Variants in UTP20 observed in about 807,000 individuals in gnomAD.
UTP20 encodes UTP20 small subunit processome component.
Under a neutral mutation model 329.5 loss-of-function variants are expected in UTP20, and 164 were observed. The observed-to-expected ratio is 0.50, with a 90% CI of 0.44 to 0.57. The LOEUF (loss-of-function observed/expected upper bound fraction) is 0.57. UTP20 is among the 20% of genes least tolerant of loss of function. The pLI, the probability that UTP20 is intolerant of heterozygous loss-of-function variation, is 0.00. For missense variants in UTP20, 3,055 were observed against 3,284.2 expected, an observed-to-expected ratio of 0.93 and a Z score of 1.71; for synonymous variants, 1,151 against 1,159.3, an observed-to-expected ratio of 0.99 and a Z score of 0.14.
chr12:101,366,103 G>A (rs994666822), intron 46 of UTP20, among the ~76,000 whole-genome samples: 2 of 152,088 alleles, frequency 1.3e-5, no homozygotes, highest in East Asian at 1.9e-4. Flanking sequence ...ATGGTGCTGG[G>A]CACCTGTAAT....
At chr12:101,320,127 G>C (rs1408946914) in intron 23 of UTP20, among the ~76,000 whole-genome samples, 1 of 152,082 alleles carries the variant, frequency 6.6e-6, no homozygotes, top group Non-Finnish European at 1.5e-5. Context: ...AAGCCATCTG[G>C]GGAAACAAAA....
chr12:101,322,580 G>T (rs1868400381), intron 25 of UTP20, among the ~76,000 whole-genome samples: 1 of 152,158 alleles, frequency 6.6e-6, no homozygotes, highest in Non-Finnish European at 1.5e-5. Context: ...ATGGGATTGG[G>T]ATTTAACAGG....
At chr12:101,381,232 A>T in intron 58 of UTP20, 21 bp downstream of exon 58, 2 of 1,603,694 alleles carry the variant, frequency 1.2e-6, no homozygotes, top group Non-Finnish European at 1.7e-6. Flanking sequence ...TAGTTCTCCC[A>T]GTTTAAAAGA....
intron 38 of UTP20, 88 bp from the exon 39 acceptor site, chr12:101,351,967 C>T: frequency 5.4e-6 from 8 of 1,484,454 alleles, no homozygotes; most frequent in South Asian, 1.2e-5. Flanking sequence ...TTACTGAGAA[C>T]TTACTAACTT....
chr12:101,327,746 C>T (rs769576672), intron 26 of UTP20, among the ~76,000 whole-genome samples: 30 of 152,132 alleles, frequency 2.0e-4, no homozygotes, highest in South Asian at 4.1e-4. Context: ...TGGATGTAAT[C>T]GTGTATACAT....
rs1478221812 is a variant in UTP20, at chr12:101,327,211, G to C, written c.3172G>C (p.Asp1058His). The C allele has an allele frequency of 6.2e-7, 1 of 1,606,864 alleles. No individual in the cohort carries two copies. Among genetic ancestry groups the C allele is most frequent in the Non-Finnish European group, 8.5e-7 (1 of 1,174,158 alleles). ...ACCTGAGGAGATCCAGATATTCTTA[G>C]ACCTGCTGTTTGAACCTGTGAGGCA... ...TQPEEIQIFL[D>H]LLFEPVRHFK... The change falls in exon 26 of 62, where the codon GAC (aspartate) becomes CAC (histidine). Residue 1058 changes from aspartate (D) to histidine (H), a missense_variant. Around this residue, in one of 3 missense-constraint regions of UTP20, gnomAD observed 2,445 missense variants for 2,575.5 expected, o/e 0.95. Coordinates refer to ENST00000261637, the MANE Select transcript of UTP20 (RefSeq NM_014503.3).
intron 17 of UTP20, 88 bp downstream of exon 17, chr12:101,306,849 T>G: frequency 7.7e-7 from 1 of 1,292,970 alleles, no homozygotes; most frequent in South Asian, 1.4e-5. Flanking sequence ...TTGCAGAAAA[T>G]TAACACACTA....
In UTP20 at chr12:101,370,577, A is replaced by G; in HGVS notation, c.6687+14A>G. ...GGTCTTCTGAAGGTATGCTGTCGCC[A>G]GAATGTTGACTGTTACGGTTTATGA... On this transcript the variant is annotated intron_variant, in intron 50 of 61. Transcript: ENST00000261637. 6.2e-7 allele frequency: 1 copy of G among 1,609,052 alleles called. No individual in the cohort carries two copies. Among genetic ancestry groups the G allele is most frequent in the African/African-American group, 1.3e-5 (1 of 74,894 alleles).
In UTP20 at chr12:101,290,756, G is replaced by C. The variant is rs769938158; in HGVS notation, c.759G>C (p.Lys253Asn). The C allele has an allele frequency of 7.4e-6, 12 of 1,611,936 alleles. No homozygotes were observed. Among genetic ancestry groups the C allele is most frequent in the Middle Eastern group, 1.7e-4 (1 of 6,058 alleles). Residue 253 changes from lysine to asparagine, a missense_variant, in exon 8 of 62, where the codon AAG becomes AAC. Lys to Asn is a moderately conservative substitution (Grantham distance 94). Around this residue, in one of 3 missense-constraint regions of UTP20, gnomAD observed 2,445 missense variants for 2,575.5 expected, o/e 0.95. Transcript: ENST00000261637. Reference protein sequence around the residue: ...TGQAVKLILRKLGPVTETETQ... With the variant: ...TGQAVKLILRNLGPVTETETQ... ...AGGCAGTGAAGCTAATTTTGCGAAA[G>C]CTAGGACCAGTCACTGAAACAGAAA...
chr12:101,373,773 C>G lies in UTP20; in HGVS notation c.7131+6C>G, dbSNP rs757576059. The G allele has an allele frequency of 8.7e-6, 14 of 1,607,130 alleles. No homozygotes were observed. The highest frequency in any genetic ancestry group is 1.1e-5 in the Non-Finnish European group (13 of 1,178,570). ...CTTGGTTTGGAGCAAAAAAGGTGTG[C>G]GTTGCTTTTAGTCACAGTTCAGTGA... On this transcript the variant is annotated splice_donor_region_variant and intron_variant, in intron 54 of 61. Transcript: ENST00000261637.
intron 29 of UTP20, among the ~76,000 whole-genome samples, chr12:101,336,789 T>C (rs1451086340): frequency 3.3e-5 from 5 of 152,218 alleles, no homozygotes; most frequent in Non-Finnish European, 7.3e-5. Context: ...CTGATGATCA[T>C]TGCATGTTGT....
chr12:101,323,903 C>T (rs915027092), intron 25 of UTP20, among the ~76,000 whole-genome samples: 5 of 152,066 alleles, frequency 3.3e-5, no homozygotes, highest in African/African-American at 4.8e-5. Flanking sequence ...CTTTGGGAGG[C>T]GGAGGTGGAT....
chr12:101,285,655 C>G lies in UTP20; in HGVS notation c.193+19C>G. 6.2e-7 allele frequency: 1 copy of G among 1,613,714 alleles called. No homozygotes were observed. Among genetic ancestry groups the G allele is most frequent in the Non-Finnish European group, 8.5e-7 (1 of 1,179,790 alleles). On this transcript the variant is annotated intron_variant, in intron 3 of 61. Coordinates refer to ENST00000261637, the MANE Select transcript of UTP20 (RefSeq NM_014503.3). ...CACTTCGGTATTTTCTATTTCGTTT[C>G]TATTTTATTCACCCATAGTTTGCAC... is the stretch of plus-strand genomic sequence containing the variant.
At chr12:101,351,903 C>T in intron 38 of UTP20, 152 bp from the exon 39 acceptor site, 1 of 849,998 alleles carries the variant, frequency 1.2e-6, no homozygotes, top group Non-Finnish European at 1.8e-6. Context: ...GCATGTTTTC[C>T]TGGGGTTAGA....
At position 101,355,048 on chromosome 12, in the gene UTP20, C is replaced by G; in HGVS notation, c.5324C>G (p.Thr1775Arg). The G allele has an allele frequency of 6.2e-7, 1 of 1,614,098 alleles. No individual in the cohort carries two copies. ...CAAAACAAGGAAGAAATAGAGAGAACAATTAAAAATATCCAAGGAACCATA... is the reference window on the plus strand; with the variant it reads ...CAAAACAAGGAAGAAATAGAGAGAAGAATTAAAAATATCCAAGGAACCATA... Reference protein sequence around the residue: ...LPQNKEEIERTIKNIQGTITG... With the variant: ...LPQNKEEIERRIKNIQGTITG... Residue 1775 changes from threonine to arginine, a missense_variant, in exon 41 of 62, where the codon ACA (threonine) becomes AGA (arginine). Transcript: ENST00000261637.
intron 35 of UTP20, among the ~76,000 whole-genome samples, chr12:101,343,566 AGTGAT>A (rs1869221024): frequency 6.6e-6 from 1 of 152,160 alleles, no homozygotes; most frequent in Non-Finnish European, 1.5e-5. Context: ...GCTAGAGTGC[AGTGAT>A]GTGATCTTGG....
At chr12:101,362,928 T>C (rs1869975376) in intron 44 of UTP20, among the ~76,000 whole-genome samples, 1 of 131,840 alleles carries the variant, frequency 7.6e-6, no homozygotes, top group Non-Finnish European at 1.5e-5. Flanking sequence ...AGACCAGGAG[T>C]TTGAGACCAG....
rs539444364 is a variant in UTP20, at chr12:101,301,058, T to A, written c.1675+997T>A. ...TATATACACACATACATATATATAT[T>A]TTTTTAAACAACCCCTTCAAAATGT... On this transcript the variant is annotated intron_variant, in intron 14 of 61. Coordinates refer to ENST00000261637, the MANE Select transcript of UTP20 (RefSeq NM_014503.3). Among the ~76,000 whole-genome samples the A allele has an allele frequency of 1.1e-3, 168 of 152,282 alleles. 2 individuals carry two copies. The highest frequency in any genetic ancestry group is 2.5e-3 in the Admixed American group (38 of 15,296).
In UTP20 at chr12:101,308,326, G is replaced by C; in HGVS notation, c.2137G>C (p.Asp713His). 1.3e-6 allele frequency: 2 copies of C among 1,547,034 alleles called. No individual in the cohort carries two copies. The highest frequency in any genetic ancestry group is 1.7e-6 in the Non-Finnish European group (2 of 1,146,570). ...TGATGTGGTACAGACTGCTGTCCCTGATGGGCCGTTACAGGAGGTAAAAAT... is the reference window on the plus strand; with the variant it reads ...TGATGTGGTACAGACTGCTGTCCCTCATGGGCCGTTACAGGAGGTAAAAAT... ...RHDVVQTAVPDGPLQEVPLRY... is the reference protein window; with the variant it reads ...RHDVVQTAVPHGPLQEVPLRY... Residue 713 changes from aspartate to histidine, a missense_variant, in exon 18 of 62, where the codon GAT becomes CAT. Asp to His is a moderately conservative substitution (Grantham distance 81). Around this residue, in one of 3 missense-constraint regions of UTP20, gnomAD observed 2,445 missense variants for 2,575.5 expected, o/e 0.95. Coordinates refer to ENST00000261637, the MANE Select transcript of UTP20 (RefSeq NM_014503.3).
Sources: gnomAD v4.1 joint callset for allele counts (sites outside exome capture counted in the v4.1 genomes callset) on GRCh38, gnomAD v4.1.1 for gene constraint, gnomAD v4.1.1 regional missense constraint, MANE v1.5 for transcripts, NCBI Gene and HGNC (gene_info 2026-07-23, HGNC 2026-07-21) for gene names.